The following CNTNAP5 variants were observed in gnomAD, a reference collection of about 807,000 sequenced individuals.
CNTNAP5 encodes the protein contactin associated protein family member 5.
CNTNAP5 carries 72 observed loss-of-function variants against 150.2 expected under a neutral mutation model. That is an observed-to-expected ratio of 0.48 (90% CI 0.40 to 0.58). The LOEUF is 0.58. Ranked by LOEUF, CNTNAP5 falls within the 20% of genes least tolerant of loss-of-function variation. The pLI is 0.00. For missense variants in CNTNAP5, 1,636 were observed against 1,626.2 expected, an observed-to-expected ratio of 1.01 and a Z score of -0.10; for synonymous variants, 672 against 619.8, an observed-to-expected ratio of 1.08 and a Z score of -1.25.
intron 19 of CNTNAP5, among the ~76,000 whole-genome samples, chr2:124,808,986 T>C (rs1460683085): frequency 6.6e-6 from 1 of 152,042 alleles, no homozygotes; most frequent in Non-Finnish European, 1.5e-5. Flanking sequence ...GACTTTTTTT[T>C]TTTCTCTATA....
At chr2:124,526,174 G>A (rs962744000) in intron 9 of CNTNAP5, among the ~76,000 whole-genome samples, 3 of 152,198 alleles carry the variant, frequency 2.0e-5, no homozygotes, top group Admixed American at 6.5e-5. Flanking sequence ...TTAGAGGCAA[G>A]TTTTAAGGGA....
At position 124,778,029 on chromosome 2, in the gene CNTNAP5, G is replaced by C. The variant is rs1681363918; in HGVS notation, c.2752+5012G>C. Among the ~76,000 whole-genome samples the C allele has an allele frequency of 2.0e-5, 3 of 152,082 alleles. 1 individual carries two copies. The South Asian group carries it at 6.2e-4, about 32-fold the overall frequency. ...AGAAGAGCATCATTTATGTGAAACTGGCATTCTAATTGTAAAAAGAAACTT... is the reference window on the plus strand; with the variant it reads ...AGAAGAGCATCATTTATGTGAAACTCGCATTCTAATTGTAAAAAGAAACTT... On this transcript the variant is annotated intron_variant, in intron 17 of 23. Coordinates refer to ENST00000682447, the MANE Select transcript of CNTNAP5 (RefSeq NM_001367498.1).
At chr2:124,835,619 C>T (rs965260041) in intron 19 of CNTNAP5, among the ~76,000 whole-genome samples, 7 of 152,056 alleles carry the variant, frequency 4.6e-5, no homozygotes, top group East Asian at 1.9e-4. Flanking sequence ...GACATTACCC[C>T]GTCCCCAGGC....
intron 1 of CNTNAP5, among the ~76,000 whole-genome samples, chr2:124,098,633 A>G (rs956322637): frequency 3.9e-5 from 6 of 152,160 alleles, no homozygotes; most frequent in Non-Finnish European, 1.5e-5. Flanking sequence ...CAGGTAAAAA[A>G]AATTCCAGGG....
intron 19 of CNTNAP5, among the ~76,000 whole-genome samples, chr2:124,862,514 G>C (rs974711312): frequency 1.3e-5 from 2 of 152,180 alleles, no homozygotes; most frequent in East Asian, 1.9e-4. Flanking sequence ...GCAAGCCGAG[G>C]GGGTAGAGGA....
intron 17 of CNTNAP5, among the ~76,000 whole-genome samples, chr2:124,784,328 C>T (rs2104624202): frequency 6.6e-6 from 1 of 152,260 alleles, no homozygotes; most frequent in South Asian, 2.1e-4. Flanking sequence ...AATAGAGGCT[C>T]CGCGTTTGTG....
intron 12 of CNTNAP5, among the ~76,000 whole-genome samples, chr2:124,615,418 A>T (rs10204601): frequency 0.029 from 4,432 of 152,286 alleles, 74 homozygotes; most frequent in African/African-American, 0.046. Flanking sequence ...ATTCCATCTC[A>T]AGAAGCCACT....
At chr2:124,544,996 T>G (rs1028713286) in intron 10 of CNTNAP5, among the ~76,000 whole-genome samples, 1 of 152,144 alleles carries the variant, frequency 6.6e-6, no homozygotes, top group African/African-American at 2.4e-5. Context: ...AAGAAGTGAT[T>G]TAACGATTAC....
At chr2:124,515,189 T>G (rs1694680554) in intron 8 of CNTNAP5, among the ~76,000 whole-genome samples, 1 of 152,186 alleles carries the variant, frequency 6.6e-6, no homozygotes, top group Admixed American at 6.5e-5. Flanking sequence ...AGGGCCTGCT[T>G]CTGACACTTG....
At chr2:124,639,396 C>A (rs1206934058) in intron 12 of CNTNAP5, among the ~76,000 whole-genome samples, 3 of 152,086 alleles carry the variant, frequency 2.0e-5, no homozygotes, top group Non-Finnish European at 4.4e-5. Context: ...TTTTGTCAAT[C>A]CCCTCCAGAA....
chr2:124,819,041 G>T lies in CNTNAP5; in HGVS notation c.3217+20721G>T, dbSNP rs370616368. Among the ~76,000 whole-genome samples the T allele has an allele frequency of 7.2e-5, 11 of 152,146 alleles. No homozygotes were observed. In the East Asian group the frequency reaches 9.7e-4, roughly 13 times the overall value. On this transcript the variant is annotated intron_variant, in intron 19 of 23. Transcript: ENST00000682447. ...TCTGGCAGTCTTTCCCTGACCACAGGCTGCCATTTGAGGAACCCAAGGAGT... is the reference window on the plus strand; with the variant it reads ...TCTGGCAGTCTTTCCCTGACCACAGTCTGCCATTTGAGGAACCCAAGGAGT...
chr2:124,467,216 G>A (rs1693398660), intron 6 of CNTNAP5, among the ~76,000 whole-genome samples: 1 of 152,160 alleles, frequency 6.6e-6, no homozygotes, highest in African/African-American at 2.4e-5. Context: ...TACCTGTGTT[G>A]CAGTTCCAAC....
rs3063417 is a variant in CNTNAP5 at position 124,174,110 on chromosome 2, GAA to G, written c.83-47581_83-47580del. On this transcript the variant is annotated intron_variant, in intron 1 of 23. Coordinates refer to ENST00000682447, the MANE Select transcript of CNTNAP5 (RefSeq NM_001367498.1). ...CCCACTGTTGAGATTTACTGCTCAG[GAA>G]AAAAAAAAAAAAAGATTCATTTCAA... Among the ~76,000 whole-genome samples, 754 of 142,866 alleles carry G rather than the reference GAA, an allele frequency of 5.3e-3. 2 individuals are homozygous for G. The highest frequency in any genetic ancestry group is 0.012 in the South Asian group (53 of 4,490). The allele number at this position is 142,866 out of a possible 152,430, so 93.7% of individuals were successfully genotyped here.
intron 13 of CNTNAP5, among the ~76,000 whole-genome samples, chr2:124,730,365 C>A (rs879598299): frequency 2.0e-5 from 3 of 149,760 alleles, no homozygotes; most frequent in Non-Finnish European, 1.5e-5. Flanking sequence ...ATATATATAT[C>A]TGCAAACAGA....
In CNTNAP5 at chr2:124,791,501, C is replaced by T. The variant is rs778125306; in HGVS notation, c.2992+1360C>T. Reference sequence around the variant, plus strand: ...TGTGAATGCTTCCCTTTGAGCCATCCCACATGCTAGGAGGAGCACGAACAG... The same window carrying T: ...TGTGAATGCTTCCCTTTGAGCCATCTCACATGCTAGGAGGAGCACGAACAG... On this transcript the variant is annotated intron_variant, in intron 18 of 23. Coordinates refer to ENST00000682447, the MANE Select transcript of CNTNAP5 (RefSeq NM_001367498.1). 4.7e-4 allele frequency among the ~76,000 whole-genome samples: 72 copies of T among 152,106 alleles called. 2 individuals carry two copies. Among genetic ancestry groups the T allele is most frequent in the South Asian group, 2.5e-3 (12 of 4,820 alleles).
intron 1 of CNTNAP5, among the ~76,000 whole-genome samples, chr2:124,107,980 C>T (rs963260177): frequency 2.0e-5 from 3 of 152,176 alleles, no homozygotes; most frequent in Admixed American, 6.5e-5. Context: ...TATTTTGAGT[C>T]CTTGATCTAC....
chr2:124,197,999 AAAT>A (rs1325459561), intron 1 of CNTNAP5, among the ~76,000 whole-genome samples: 4 of 151,664 alleles, frequency 2.6e-5, no homozygotes, highest in Non-Finnish European at 4.4e-5. Context: ...ATAAAAATAA[AAAT>A]AATAATAATA....
At chr2:124,720,881 A>G (rs748978748) in intron 13 of CNTNAP5, among the ~76,000 whole-genome samples, 1 of 152,198 alleles carries the variant, frequency 6.6e-6, no homozygotes, top group Non-Finnish European at 1.5e-5. Flanking sequence ...CAGACGGAGA[A>G]TATAATTTAT....
intron 3 of CNTNAP5, among the ~76,000 whole-genome samples, chr2:124,323,385 T>C (rs539396234): frequency 6.6e-6 from 1 of 152,230 alleles, no homozygotes; most frequent in African/African-American, 2.4e-5. Context: ...CAAATGGAAA[T>C]AAAGCTTAGT....
Sources: gnomAD v4.1 joint callset for allele counts (sites outside exome capture counted in the v4.1 genomes callset) on GRCh38, gnomAD v4.1.1 for gene constraint, MANE v1.5 for transcripts, NCBI Gene and HGNC (gene_info 2026-07-23, HGNC 2026-07-21) for gene names.